Variants in RAB11FIP4 observed in about 807,000 individuals in gnomAD.
RAB11FIP4 encodes rab11 family-interacting protein 4.
RAB11FIP4 carries 23 observed loss-of-function variants against 74.3 expected under a neutral mutation model. The observed-to-expected ratio is 0.31, with a 90% CI of 0.22 to 0.44. The LOEUF is 0.44. Ranked by LOEUF, RAB11FIP4 falls within the 20% of genes least tolerant of loss-of-function variation. The probability of loss-of-function intolerance (pLI) is 1.00; values close to 1 mark genes in which losing one functional copy is unlikely to be tolerated. For missense variants in RAB11FIP4, 630 were observed against 863.9 expected, an observed-to-expected ratio of 0.73 and a Z score of 3.39; for synonymous variants, 360 against 359.9, an observed-to-expected ratio of 1.00 and a Z score of 0.00.
At chr17:31,506,596 G>A (rs2072354381) in intron 3 of RAB11FIP4, among the ~76,000 whole-genome samples, 1 of 151,936 alleles carries the variant, frequency 6.6e-6, no homozygotes, top group African/African-American at 2.4e-5. Flanking sequence ...TACTTCTATG[G>A]GATAACTTCT....
chr17:31,499,030 G>C (rs2072168384), intron 3 of RAB11FIP4, among the ~76,000 whole-genome samples: 1 of 152,172 alleles, frequency 6.6e-6, no homozygotes, highest in South Asian at 2.1e-4. Context: ...AACCAGGAGA[G>C]CCCTTTATAC....
At position 31,512,706 on chromosome 17, in the gene RAB11FIP4, C is replaced by T. The variant is rs1255172246; in HGVS notation, c.337-4945C>T. 6.6e-6 allele frequency among the ~76,000 whole-genome samples: 1 copy of T among 152,116 alleles called. No individual in the cohort carries two copies. Among genetic ancestry groups the T allele is most frequent in the African/African-American group, 2.4e-5 (1 of 41,408 alleles). On this transcript the variant is annotated intron_variant, in intron 3 of 14. Transcript: ENST00000621161. The surrounding 1 kb of genome is among the most constrained non-coding windows in gnomAD (Gnocchi z 4.1). ...GCCCGGTGCTGCCTCCTGAGGATAC[C>T]ACACTGTCCCTTCCCCAAAGGCCCC...
Position 31,514,563 on chromosome 17 carries a change from G to A in RAB11FIP4, c.337-3088G>A, listed in dbSNP as rs578093448. On this transcript the variant is annotated intron_variant, in intron 3 of 14. Transcript: ENST00000621161. ...AAAGAGGCTCAGCTCATCGGGCTGC[G>A]GTGAAGTCCAGAAGAAACACCATTG... 6.6e-5 allele frequency among the ~76,000 whole-genome samples: 10 copies of A among 152,352 alleles called. No homozygotes were observed. In the South Asian group the frequency reaches 1.0e-3, roughly 16 times the overall value.
At chr17:31,511,951 G>C (rs909244153) in intron 3 of RAB11FIP4, among the ~76,000 whole-genome samples, 1 of 152,208 alleles carries the variant, frequency 6.6e-6, no homozygotes, top group Non-Finnish European at 1.5e-5. Context: ...CCCTGCTGGG[G>C]ACAGGGTGGG....
intron 3 of RAB11FIP4, among the ~76,000 whole-genome samples, chr17:31,514,116 C>T (rs183673023): frequency 1.1e-4 from 17 of 152,350 alleles, no homozygotes; most frequent in African/African-American, 4.1e-4. Context: ...AGGGTGGGAA[C>T]CTGGTGCCCC....
chr17:31,450,535 G>A (rs2071516567), intron 3 of RAB11FIP4, among the ~76,000 whole-genome samples: 1 of 151,772 alleles, frequency 6.6e-6, no homozygotes, highest in Admixed American at 6.6e-5. Context: ...GGTAGAGATG[G>A]GGTTTCACCA....
chr17:31,465,363 C>T (rs1409169138), intron 3 of RAB11FIP4, among the ~76,000 whole-genome samples: 1 of 152,074 alleles, frequency 6.6e-6, no homozygotes, highest in Admixed American at 6.5e-5. Context: ...TTAGCACGCT[C>T]CCCTAACCAA....
intron 1 of RAB11FIP4, among the ~76,000 whole-genome samples, chr17:31,400,359 C>T (rs2068438811): frequency 6.6e-6 from 1 of 152,220 alleles, no homozygotes; most frequent in Admixed American, 6.5e-5. Flanking sequence ...CAGGAGCCTG[C>T]CCAGGGGCTT....
chr17:31,523,739 C>T, intron 8 of RAB11FIP4, 128 bp downstream of exon 8: 2 of 1,073,920 alleles, frequency 1.9e-6, no homozygotes, highest in South Asian at 2.6e-5. Flanking sequence ...GGCAGGTGGC[C>T]CTGGTCACGT....
chr17:31,420,904 A>G (rs1421643320), intron 1 of RAB11FIP4, among the ~76,000 whole-genome samples: 5 of 152,054 alleles, frequency 3.3e-5, no homozygotes, highest in African/African-American at 9.7e-5. Flanking sequence ...ACCCATATGA[A>G]GAAACCCCAT....
chr17:31,514,897 C>T (rs2072518390), intron 3 of RAB11FIP4, among the ~76,000 whole-genome samples: 1 of 152,210 alleles, frequency 6.6e-6, no homozygotes, highest in African/African-American at 2.4e-5. Context: ...ATAAAATGTG[C>T]TCTCCTTGTT....
intron 1 of RAB11FIP4, among the ~76,000 whole-genome samples, chr17:31,430,212 G>A (rs2071294010): frequency 6.6e-6 from 1 of 152,184 alleles, no homozygotes; most frequent in Admixed American, 6.5e-5. Context: ...CTGGGGCAGA[G>A]AAGAGTGTGG....
intron 3 of RAB11FIP4, among the ~76,000 whole-genome samples, chr17:31,445,428 G>A (rs1261453476): frequency 3.3e-5 from 5 of 150,336 alleles, no homozygotes; most frequent in African/African-American, 4.9e-5. Context: ...TTCCTAAGAA[G>A]GACACTCTCC....
intron 3 of RAB11FIP4, among the ~76,000 whole-genome samples, chr17:31,481,226 G>A (rs2071845806): frequency 6.6e-6 from 1 of 152,108 alleles, no homozygotes; most frequent in South Asian, 2.1e-4. Context: ...CAGAATCACT[G>A]GGATCTTTAA....
In RAB11FIP4 at chr17:31,532,787, G is replaced by T. The variant is rs964621918; in HGVS notation, c.*1055G>T. ...CAAGACTGCTTCGTTCCAGCGTTTAGAAACACACCTGTATTTGATTCTCAG... is the reference window on the plus strand; with the variant it reads ...CAAGACTGCTTCGTTCCAGCGTTTATAAACACACCTGTATTTGATTCTCAG... On this transcript the variant is annotated 3_prime_UTR_variant, in exon 15 of 15. Coordinates refer to ENST00000621161, the MANE Select transcript of RAB11FIP4 (RefSeq NM_032932.6). 6.6e-6 allele frequency: 1 copy of T among 152,206 alleles called. No homozygotes were observed. Among genetic ancestry groups the T allele is most frequent in the Non-Finnish European group, 1.5e-5 (1 of 68,038 alleles). The allele number at this position is 152,206 out of a possible 1,614,324, so 9.4% of individuals were successfully genotyped here.
At chr17:31,477,794 T>C (rs2071808608) in intron 3 of RAB11FIP4, among the ~76,000 whole-genome samples, 1 of 152,168 alleles carries the variant, frequency 6.6e-6, no homozygotes, top group Non-Finnish European at 1.5e-5. Context: ...GGAGCCAGGC[T>C]GCCTGGGTTT....
At chr17:31,522,552 C>T (rs952593863) in intron 7 of RAB11FIP4, 157 bp downstream of exon 7, 6 of 670,818 alleles carry the variant, frequency 8.9e-6, no homozygotes, top group Admixed American at 2.8e-5. Flanking sequence ...GCCAGGGCAG[C>T]GTCACTTCTG....
rs1444917537 is a variant in RAB11FIP4 at position 31,503,818 on chromosome 17, A to C, written c.337-13833A>C. Among the ~76,000 whole-genome samples, 2 of 149,692 alleles carry C rather than the reference A, an allele frequency of 1.3e-5. 1 individual carries two copies. The highest frequency in any genetic ancestry group is 5.1e-5 in the African/African-American group (2 of 39,042). On this transcript the variant is annotated intron_variant, in intron 3 of 14. Coordinates refer to ENST00000621161, the MANE Select transcript of RAB11FIP4 (RefSeq NM_032932.6). Reference sequence around the variant, plus strand: ...GATAGTATTCTTTCAGGATGGCTTCACTTTTTCATATTCTTTTAAGTAGAG... The same window carrying C: ...GATAGTATTCTTTCAGGATGGCTTCCCTTTTTCATATTCTTTTAAGTAGAG...
intron 14 of RAB11FIP4, 107 bp from the exon 15 acceptor site, chr17:31,531,509 A>G (rs1267361190): frequency 6.8e-6 from 5 of 740,528 alleles, no homozygotes; most frequent in Non-Finnish European, 7.1e-6. Flanking sequence ...GGATCTCCTG[A>G]TGCCCTCTAT....
Sources: gnomAD v4.1 joint callset for allele counts (sites outside exome capture counted in the v4.1 genomes callset) on GRCh38, gnomAD v4.1.1 for gene constraint, Gnocchi (gnomAD v3.1) non-coding constraint, MANE v1.5 for transcripts, NCBI Gene and HGNC (gene_info 2026-07-23, HGNC 2026-07-21) for gene names.